THSD7B: variants seen among roughly 807,000 people sequenced by gnomAD.
THSD7B encodes the protein thrombospondin type-1 domain-containing protein 7B.
THSD7B carries 138 observed loss-of-function variants against 213.6 expected under a neutral mutation model. The ratio of observed to expected loss-of-function variants is 0.65; its 90% CI spans 0.56 to 0.74. The LOEUF is 0.74. THSD7B is among the 30% of genes least tolerant of loss of function. THSD7B has a pLI of 0.00. For synonymous variants in THSD7B, 742 were observed against 687.0 expected, an observed-to-expected ratio of 1.08 and a Z score of -1.25; for missense variants, 1,931 against 1,991.5, an observed-to-expected ratio of 0.97 and a Z score of 0.58.
intron 2 of THSD7B, among the ~76,000 whole-genome samples, chr2:137,039,853 G>GTT (rs1686848557): frequency 6.6e-6 from 1 of 152,208 alleles, no homozygotes; most frequent in Admixed American, 6.5e-5. Context: ...ACAAATGAAT[G>GTT]TAAGCATTTA....
At chr2:137,372,481 A>T (rs549322556) in intron 12 of THSD7B, among the ~76,000 whole-genome samples, 24 of 151,850 alleles carry the variant, frequency 1.6e-4, no homozygotes, top group African/African-American at 5.8e-4. Context: ...TTAGGGAGAC[A>T]AAAGTTACAG....
chr2:137,366,085 T>C, intron 12 of THSD7B, among the ~76,000 whole-genome samples: 1 of 152,078 alleles, frequency 6.6e-6, no homozygotes. Flanking sequence ...ATTCTTGTCC[T>C]TTGTAGGGAC....
At chr2:137,242,408 C>T (rs369096642) in intron 9 of THSD7B, 49 bp from the exon 10 acceptor site, 78 of 1,436,186 alleles carry the variant, frequency 5.4e-5, no homozygotes, top group South Asian at 4.8e-4. Flanking sequence ...CTGCGTTCAA[C>T]GGCTTAGTCT....
intron 21 of THSD7B, among the ~76,000 whole-genome samples, chr2:137,651,671 C>G (rs1683139680): frequency 6.6e-6 from 1 of 151,948 alleles, no homozygotes; most frequent in Non-Finnish European, 1.5e-5. Context: ...ATTCTTTCTA[C>G]TTTTTCAATG....
intron 2 of THSD7B, among the ~76,000 whole-genome samples, chr2:136,882,659 G>C (rs1015128636): frequency 6.6e-6 from 1 of 152,124 alleles, no homozygotes; most frequent in African/African-American, 2.4e-5. Context: ...AGCTAAGAAC[G>C]CTTTGGACCA....
intron 17 of THSD7B, among the ~76,000 whole-genome samples, chr2:137,605,534 G>A (rs1305245461): frequency 6.6e-6 from 1 of 151,300 alleles, no homozygotes; most frequent in African/African-American, 2.4e-5. Context: ...TTGGCCCCAA[G>A]GAACATACAG....
In THSD7B at chr2:137,095,014, G is replaced by A; in HGVS notation, c.1092G>A (p.Arg364=). The A allele has an allele frequency of 6.2e-7, 1 of 1,613,870 alleles. No homozygotes were observed. Among genetic ancestry groups the A allele is most frequent in the Non-Finnish European group, 8.5e-7 (1 of 1,179,870 alleles). The change falls in exon 4 of 28, where the codon AGG becomes AGA. Residue 364 remains arginine (R), a synonymous_variant. Transcript: ENST00000409968. ...GTCTCTTGCCAGGATTTAGGAGCAG[G>A]AGCCGGAACGTGAAGCACATGGCTA... The part of the protein sequence containing the change: ...SGSLLPGFRS[R]SRNVKHMAIG...
At chr2:136,828,341 C>T (rs1351702119) in intron 1 of THSD7B, among the ~76,000 whole-genome samples, 1 of 152,140 alleles carries the variant, frequency 6.6e-6, no homozygotes, top group Non-Finnish European at 1.5e-5. Flanking sequence ...CTCTTTCCTA[C>T]ACCCATATCC....
At chr2:137,486,354 T>G (rs966084287) in intron 15 of THSD7B, among the ~76,000 whole-genome samples, 7 of 148,046 alleles carry the variant, frequency 4.7e-5, no homozygotes, top group African/African-American at 1.2e-4. Flanking sequence ...TCCTAGTCTC[T>G]GATAAAACAG....
intron 2 of THSD7B, among the ~76,000 whole-genome samples, chr2:136,975,844 T>C (rs537434005): frequency 1.3e-5 from 2 of 152,242 alleles, no homozygotes; most frequent in African/African-American, 4.8e-5. Context: ...CATTTGTTTG[T>C]GTTCTCTCTG....
chr2:136,856,524 T>C (rs576061498), intron 1 of THSD7B, among the ~76,000 whole-genome samples: 1 of 152,122 alleles, frequency 6.6e-6, no homozygotes, highest in South Asian at 2.1e-4. Context: ...TGGATTTTTT[T>C]TTTTTTTTTG....
intron 12 of THSD7B, among the ~76,000 whole-genome samples, chr2:137,387,621 G>C (rs112042503): frequency 6.7e-4 from 102 of 152,174 alleles, no homozygotes; most frequent in African/African-American, 2.4e-3. Flanking sequence ...TTTCCCAATA[G>C]TATAGTATAG....
At chr2:137,444,990 C>T (rs531203682) in intron 14 of THSD7B, among the ~76,000 whole-genome samples, 1 of 151,208 alleles carries the variant, frequency 6.6e-6, no homozygotes, top group South Asian at 2.1e-4. Context: ...TACAAATGGC[C>T]AACAGATGTA....
chr2:137,534,617 T>C (rs965975176), intron 15 of THSD7B, among the ~76,000 whole-genome samples: 3 of 151,706 alleles, frequency 2.0e-5, no homozygotes, highest in African/African-American at 7.3e-5. Flanking sequence ...TACAGGAAAG[T>C]TTTATGTACC....
chr2:137,076,547 C>T (rs35575940), intron 3 of THSD7B, among the ~76,000 whole-genome samples: 11,818 of 152,316 alleles, frequency 0.078, 635 homozygotes, highest in African/African-American at 0.14. Flanking sequence ...CCGGGTGAGG[C>T]GATGTCTCGC....
chr2:136,803,861 A>T (rs1027182974), intron 1 of THSD7B, among the ~76,000 whole-genome samples: 1 of 152,166 alleles, frequency 6.6e-6, no homozygotes, highest in Non-Finnish European at 1.5e-5. Flanking sequence ...GCAAGAGAAG[A>T]TGGATGTCTC....
intron 2 of THSD7B, among the ~76,000 whole-genome samples, chr2:136,956,709 T>C (rs1379608636): frequency 6.6e-6 from 1 of 151,368 alleles, no homozygotes; most frequent in East Asian, 1.9e-4. Context: ...AGACAGAGTC[T>C]TGCTCTGTCC....
At chr2:137,241,333 AG>A (rs1306622107) in intron 9 of THSD7B, among the ~76,000 whole-genome samples, 1 of 152,232 alleles carries the variant, frequency 6.6e-6, no homozygotes, top group Non-Finnish European at 1.5e-5. Context: ...ACACTGTTGT[AG>A]AATATAATAA....
intron 7 of THSD7B, among the ~76,000 whole-genome samples, chr2:137,208,683 G>C (rs539561282): frequency 6.6e-6 from 1 of 152,100 alleles, no homozygotes; most frequent in South Asian, 2.1e-4. Flanking sequence ...AGAGAATGGG[G>C]AATGTTGACT....
Sources: gnomAD v4.1 joint callset for allele counts (sites outside exome capture counted in the v4.1 genomes callset) on GRCh38, gnomAD v4.1.1 for gene constraint, MANE v1.5 for transcripts, NCBI Gene and HGNC (gene_info 2026-07-23, HGNC 2026-07-21) for gene names.